The following AMN variants were observed in gnomAD, a reference collection of about 807,000 sequenced individuals.
The protein encoded by AMN is amnion associated transmembrane protein.
In AMN, 40 loss-of-function variants were observed where a neutral mutation model predicts 49.1. That is an observed-to-expected ratio of 0.81 (90% CI 0.63 to 1.06). The LOEUF is 1.06. Ranked by LOEUF, AMN falls within the 50% of genes least tolerant of loss-of-function variation. The probability of loss-of-function intolerance (pLI) is 0.00; values close to 1 mark genes in which losing one functional copy is unlikely to be tolerated. For synonymous variants in AMN, 380 were observed against 313.3 expected (o/e 1.21, Z -2.25); for missense variants, 701 against 662.8 (o/e 1.06, Z -0.63).
intron 5 of AMN, 72 bp from the exon 6 acceptor site, chr14:102,929,049 C>T (rs923418379): frequency 1.9e-6 from 3 of 1,596,520 alleles, no homozygotes; most frequent in Non-Finnish European, 2.5e-6. Flanking sequence ...CTGGTCTGCA[C>T]ACGTTGGGTC....
chr14:102,928,575 G>A, intron 4 of AMN, 62 bp downstream of exon 4: 1 of 1,548,252 alleles, frequency 6.5e-7, no homozygotes, highest in Non-Finnish European at 8.7e-7. Flanking sequence ...GGACTGGAGG[G>A]AAGGCGCGTC....
In AMN at chr14:102,928,841, CTCT is replaced by C. The variant is rs1434846488; in HGVS notation, c.385_387del (p.Phe129del). 1.0e-5 allele frequency: 16 copies of C among 1,606,008 alleles called. 1 individual carries two copies. The highest frequency in any genetic ancestry group is 6.7e-5 in the East Asian group (3 of 44,898). On this transcript the variant is annotated inframe_deletion, in exon 5 of 12. Coordinates refer to ENST00000299155, the MANE Select transcript of AMN (RefSeq NM_030943.4). ...GCGCTCTGGGGACGAGGCACCTGGC[CTCT>C]TCTTCGTGGACGCCGAGCGCGTGCC... is the stretch of plus-strand genomic sequence containing the variant.
chr14:102,923,276 G>A, intron 1 of AMN: 1 of 290,954 alleles, frequency 3.4e-6, no homozygotes, highest in South Asian at 3.6e-5. Context: ...ATACCGGGTT[G>A]CGCTCTGTCG....
In AMN at chr14:102,928,797, G is replaced by T. The variant is rs1392363395; in HGVS notation, c.335G>T (p.Trp112Leu). ...AVFRDSDRFS[W>L]HDPHLWRSGD... Reference sequence around the variant, plus strand: ...TTCCGCGACTCTGACCGCTTCTCCTGGCATGACCCGCACCTGTGGCGCTCT... The same window carrying T: ...TTCCGCGACTCTGACCGCTTCTCCTTGCATGACCCGCACCTGTGGCGCTCT... The change falls in exon 5 of 12, where the codon TGG (tryptophan) becomes TTG (leucine). Residue 112 changes from tryptophan to leucine, a missense_variant. Physicochemically the swap from Trp to Leu is moderately conservative, Grantham distance 61. Coordinates refer to ENST00000299155, the MANE Select transcript of AMN (RefSeq NM_030943.4). 1.9e-6 allele frequency: 3 copies of T among 1,608,314 alleles called. No individual in the cohort carries two copies. The African/African-American group carries it at 4.0e-5, about 21-fold the overall frequency.
At chr14:102,929,798 A>G (rs1228138407) in intron 8 of AMN, 61 bp downstream of exon 8, 2 of 1,544,020 alleles carry the variant, frequency 1.3e-6, no homozygotes, top group African/African-American at 2.7e-5. Flanking sequence ...GCCTCCGCCT[A>G]GGACGCCCCT....
chr14:102,924,782 G>T (rs1891150247), intron 3 of AMN, among the ~76,000 whole-genome samples: 1 of 152,164 alleles, frequency 6.6e-6, no homozygotes. Context: ...CGTATTAAAG[G>T]CTCTGATAAG....
Position 102,930,213 on chromosome 14 carries a change from A to T in AMN, c.1055A>T (p.His352Leu). The stretch of plus-strand genomic sequence containing the variant: ...GCGACCATGCGGGAGTCGGGCGCAC[A>T]CGTCTGGGGCAGCTCCGCGGCTGGG... ...LEATMRESGA[H>L]VWGSSAAGLA... Residue 352 changes from histidine to leucine, a missense_variant, in exon 10 of 12, where the codon CAC (histidine) becomes CTC (leucine). By Grantham distance (99) the His-to-Leu change is moderately conservative. Transcript: ENST00000299155. 6 of 1,466,572 alleles carry T rather than the reference A, an allele frequency of 4.1e-6. No homozygotes were observed. The highest frequency in any genetic ancestry group is 5.4e-6 in the Non-Finnish European group (6 of 1,115,566). The allele number at this position is 1,466,572 out of a possible 1,614,324, so 90.8% of individuals were successfully genotyped here.
At chr14:102,928,704 CGTGGT>C (rs1366726372) in intron 4 of AMN, 49 bp from the exon 5 acceptor site, 30 of 1,558,638 alleles carry the variant, frequency 1.9e-5, no homozygotes, top group East Asian at 1.4e-4. Flanking sequence ...CGTGGCGTGG[CGTGGT>C]GTGGCGCGGC....
chr14:102,928,370 G>A (rs1891235161), intron 3 of AMN, 56 bp from the exon 4 acceptor site: 3 of 1,476,262 alleles, frequency 2.0e-6, no homozygotes, highest in Admixed American at 3.9e-5. Flanking sequence ...GGCGGGGTGG[G>A]CGCGGAGCAG....
rs2059738366 is a variant in AMN at position 102,927,143 on chromosome 14, T to C, written c.208-1283T>C. On this transcript the variant is annotated intron_variant, in intron 3 of 11. Transcript: ENST00000299155. Reference sequence around the variant, plus strand: ...TCCTGGGCTCGAGTGATATGCCCGCTTCGGCCTTCCAAAGTGTTGGGATTA... The same window carrying C: ...TCCTGGGCTCGAGTGATATGCCCGCCTCGGCCTTCCAAAGTGTTGGGATTA... Among the ~76,000 whole-genome samples, 2 of 152,194 alleles carry C rather than the reference T, an allele frequency of 1.3e-5. 1 individual carries two copies. Among genetic ancestry groups the C allele is most frequent in the South Asian group, 4.1e-4 (2 of 4,830 alleles).
At chr14:102,927,365 T>A (rs540220393) in intron 3 of AMN, among the ~76,000 whole-genome samples, 2 of 152,350 alleles carry the variant, frequency 1.3e-5, no homozygotes, top group African/African-American at 4.8e-5. Context: ...TACGTTTCTA[T>A]TTTTCCCCTT....
chr14:102,926,729 G>A (rs985537184), intron 3 of AMN, among the ~76,000 whole-genome samples: 2 of 151,810 alleles, frequency 1.3e-5, no homozygotes, highest in Non-Finnish European at 2.9e-5. Context: ...TGAGACTACA[G>A]GAATTTTGAT....
chr14:102,930,496 G>A lies in AMN; in HGVS notation c.1257+3G>A. ...ACGTGACGGCCTCCGAGGAGCTGGT[G>A]AGGGGGCTGGAGGGGGGACCGGGGC... On this transcript the variant is annotated splice_donor_region_variant and intron_variant, in intron 11 of 11. Transcript: ENST00000299155. The A allele has an allele frequency of 6.5e-7, 1 of 1,536,708 alleles. No homozygotes were observed. The highest frequency in any genetic ancestry group is 8.7e-7 in the Non-Finnish European group (1 of 1,143,116).
chr14:102,930,676 C>G lies in AMN; in HGVS notation c.1358C>G (p.Ala453Gly), dbSNP rs989981961. Reference protein sequence around the residue: ...NPLFAGAEAEA With the variant: ...NPLFAGAEAEG ...CTGTTCGCCGGGGCCGAGGCCGAGG[C>G]CTGAGCGGCCGCCTGACCGTCGACC... is the stretch of plus-strand genomic sequence containing the variant. Residue 453 changes from alanine to glycine, a missense_variant, in exon 12 of 12, where the codon GCC becomes GGC. Coordinates refer to ENST00000299155, the MANE Select transcript of AMN (RefSeq NM_030943.4). 1.3e-6 allele frequency: 2 copies of G among 1,583,126 alleles called. No individual in the cohort carries two copies. The highest frequency in any genetic ancestry group is 2.7e-5 in the African/African-American group (2 of 74,208).
In AMN at chr14:102,929,977, G is replaced by A. The variant is rs1891296719; in HGVS notation, c.897G>A (p.Arg299=). 6.4e-7 allele frequency: 1 copy of A among 1,564,478 alleles called. No individual in the cohort carries two copies. Among genetic ancestry groups the A allele is most frequent in the Admixed American group, 1.9e-5 (1 of 53,260 alleles). The part of the protein sequence containing the change: ...VAVSKVPRSS[R]LREADTEIQV... ...TGTCCAAGGTGCCACGCTCGTCCCGGCTCCGTGAGGCCGATACGGAGATCC... is the reference window on the plus strand; with the variant it reads ...TGTCCAAGGTGCCACGCTCGTCCCGACTCCGTGAGGCCGATACGGAGATCC... Residue 299 remains arginine (R), a synonymous_variant, in exon 9 of 12, where the codon CGG becomes CGA. Transcript: ENST00000299155.
intron 3 of AMN, among the ~76,000 whole-genome samples, chr14:102,925,855 G>A (rs993142649): frequency 6.6e-6 from 1 of 152,150 alleles, no homozygotes; most frequent in Middle Eastern, 3.2e-3. Flanking sequence ...CCCTGCCCGC[G>A]TCGGCTATGT....
intron 5 of AMN, 39 bp downstream of exon 5, chr14:102,929,014 C>A: frequency 1.3e-6 from 2 of 1,594,698 alleles, no homozygotes; most frequent in South Asian, 1.1e-5. Flanking sequence ...TCCCCTCTCC[C>A]CACCTCGGCC....
At chr14:102,928,641 C>T in intron 4 of AMN, 117 bp from the exon 5 acceptor site, 1 of 1,491,664 alleles carries the variant, frequency 6.7e-7, no homozygotes, top group Non-Finnish European at 9.1e-7. Context: ...TAGGGAGTGG[C>T]GGAAGTGTCC....
intron 3 of AMN, among the ~76,000 whole-genome samples, chr14:102,924,983 A>G (rs1891154205): frequency 1.3e-5 from 2 of 152,224 alleles, no homozygotes; most frequent in Non-Finnish European, 2.9e-5. Flanking sequence ...ATACAGCTTC[A>G]CTGGCACACA....
Sources: gnomAD v4.1 joint callset for allele counts (sites outside exome capture counted in the v4.1 genomes callset) on GRCh38, gnomAD v4.1.1 for gene constraint, MANE v1.5 for transcripts, NCBI Gene and HGNC (gene_info 2026-07-23, HGNC 2026-07-21) for gene names.